The following PAK1 variants were observed in gnomAD, a reference collection of about 807,000 sequenced individuals.
The protein encoded by PAK1 is serine/threonine-protein kinase PAK 1.
A neutral mutation model predicts 67.4 loss-of-function variants in PAK1; 29 were observed. The ratio of observed to expected loss-of-function variants is 0.43; its 90% CI spans 0.32 to 0.59. The LOEUF is 0.59. Ranked by LOEUF, PAK1 falls within the 20% of genes least tolerant of loss-of-function variation. PAK1 has a pLI of 0.07. For missense variants in PAK1, 337 were observed against 670.7 expected (o/e 0.50, Z 5.50); for synonymous variants, 223 against 237.4 (o/e 0.94, Z 0.56).
At chr11:77,383,450 C>T (rs907579036) in intron 2 of PAK1, among the ~76,000 whole-genome samples, 9 of 151,794 alleles carry the variant, frequency 5.9e-5, no homozygotes, top group South Asian at 2.1e-4. Context: ...CTCAGCCTCC[C>T]AAGTAGCTGA....
chr11:77,502,315 C>T, the PAK1 span, among the ~76,000 whole-genome samples: 1 of 152,166 alleles, frequency 6.6e-6, no homozygotes, highest in African/African-American at 2.4e-5. Context: ...TTTCCCATGT[C>T]ATTAAAGACT....
the PAK1 span, among the ~76,000 whole-genome samples, chr11:77,526,086 C>G: frequency 6.6e-6 from 1 of 152,198 alleles, no homozygotes. Flanking sequence ...ATCCAATCCA[C>G]CACTACATCC....
the PAK1 span, among the ~76,000 whole-genome samples, chr11:77,490,870 A>G: frequency 1.3e-5 from 2 of 152,206 alleles, no homozygotes; most frequent in Non-Finnish European, 2.9e-5. Context: ...GTGTCCACTC[A>G]GGGTTAAATG....
upstream of PAK1, chr11:77,474,198 C>T (rs961732614): frequency 2.2e-5 from 3 of 134,140 alleles, no homozygotes; most frequent in African/African-American, 7.7e-5. Context: ...TCCCCCTCCC[C>T]CACTCCCCCT....
chr11:77,454,047 G>A (rs1281537298), intron 1 of PAK1, among the ~76,000 whole-genome samples: 3 of 152,198 alleles, frequency 2.0e-5, no homozygotes, highest in Non-Finnish European at 4.4e-5. Flanking sequence ...CTAGGTGACA[G>A]AGCGAGACCT....
intron 1 of PAK1, among the ~76,000 whole-genome samples, chr11:77,431,578 C>T (rs1184005825): frequency 1.3e-5 from 2 of 152,162 alleles, no homozygotes; most frequent in Non-Finnish European, 2.9e-5. Flanking sequence ...GGAAGGCAAT[C>T]ATCTCTCTGA....
In PAK1 at chr11:77,328,378, G is replaced by C. The variant is rs1305501317; in HGVS notation, c.1551+4352C>G. ...CACCTACTCCAAAATTGACCACATA[G>C]TTGGAAGTAAAGCACTCCTCAGCAA... On this transcript the variant is annotated intron_variant, in intron 14 of 14. Coordinates refer to ENST00000356341, the MANE Select transcript of PAK1 (RefSeq NM_002576.5). Among the ~76,000 whole-genome samples, 4 of 152,070 alleles carry C rather than the reference G, an allele frequency of 2.6e-5. No homozygotes were observed. The East Asian group carries it at 7.7e-4, about 29-fold the overall frequency.
chr11:77,341,149 A>G (rs1943536715), intron 10 of PAK1, among the ~76,000 whole-genome samples: 1 of 152,156 alleles, frequency 6.6e-6, no homozygotes, highest in African/African-American at 2.4e-5. Context: ...TTTAGAGTCC[A>G]TGTTACCCAA....
At chr11:77,501,459 T>A in the PAK1 span, among the ~76,000 whole-genome samples, 3 of 152,278 alleles carry the variant, frequency 2.0e-5, no homozygotes, top group East Asian at 5.8e-4. Flanking sequence ...ATTCGACCCC[T>A]CTTCTCGGGT....
At chr11:77,411,726 C>T (rs767950984) in intron 1 of PAK1, 1 of 152,334 alleles carries the variant, frequency 6.6e-6, no homozygotes, top group African/African-American at 2.4e-5. Context: ...GCGGAGATCC[C>T]CCAGAACCCG....
chr11:77,459,918 G>A (rs1378023169), intron 1 of PAK1, among the ~76,000 whole-genome samples: 1 of 151,578 alleles, frequency 6.6e-6, no homozygotes, highest in Non-Finnish European at 1.5e-5. Context: ...GGATGGTCTC[G>A]ATCTCCTGAC....
chr11:77,441,073 C>CT (rs1335281678), intron 1 of PAK1, among the ~76,000 whole-genome samples: 2 of 152,182 alleles, frequency 1.3e-5, no homozygotes, highest in Admixed American at 1.3e-4. Flanking sequence ...AGGCCTGTAC[C>CT]ATACTCTGCC....
chr11:77,481,826 A>G, the PAK1 span, among the ~76,000 whole-genome samples: 3 of 152,142 alleles, frequency 2.0e-5, no homozygotes, highest in Non-Finnish European at 4.4e-5. Context: ...TCTCCAGGAA[A>G]ATGTAAGCTT....
intron 4 of PAK1, among the ~76,000 whole-genome samples, chr11:77,374,819 G>GT (rs1948890000): frequency 6.6e-6 from 1 of 152,108 alleles, no homozygotes; most frequent in Non-Finnish European, 1.5e-5. Context: ...TAACACAACG[G>GT]TAAGTATTTG....
At chr11:77,385,612 T>C (rs1259177382) in intron 2 of PAK1, among the ~76,000 whole-genome samples, 1 of 152,208 alleles carries the variant, frequency 6.6e-6, no homozygotes, top group Admixed American at 6.5e-5. Context: ...TCCCAGCACT[T>C]TGGGCAGCCG....
intron 7 of PAK1, among the ~76,000 whole-genome samples, 174 bp downstream of exon 7, chr11:77,355,494 C>T (rs149489003): frequency 0.013 from 1,981 of 152,210 alleles, 16 homozygotes; most frequent in Non-Finnish European, 0.018. Context: ...TAGTATCCAA[C>T]CAGGGCTGTG....
chr11:77,453,908 C>T (rs1033498374), intron 1 of PAK1, among the ~76,000 whole-genome samples: 8 of 151,970 alleles, frequency 5.3e-5, no homozygotes, highest in East Asian at 1.9e-4. Context: ...GGCGAAACCC[C>T]ATCTCTACAA....
intron 2 of PAK1, among the ~76,000 whole-genome samples, chr11:77,381,369 T>A (rs138166762): frequency 3.7e-3 from 567 of 152,320 alleles, no homozygotes; most frequent in Non-Finnish European, 5.9e-3. Flanking sequence ...TTTAAATAGG[T>A]ATTTCATACA....
chr11:77,388,940 C>G (rs1210274000), intron 2 of PAK1, among the ~76,000 whole-genome samples: 1 of 152,122 alleles, frequency 6.6e-6, no homozygotes, highest in Non-Finnish European at 1.5e-5. Context: ...AATTCACTTA[C>G]CAAACAATTC....
Sources: gnomAD v4.1 joint callset for allele counts (sites outside exome capture counted in the v4.1 genomes callset) on GRCh38, gnomAD v4.1.1 for gene constraint, MANE v1.5 for transcripts, NCBI Gene and HGNC (gene_info 2026-07-23, HGNC 2026-07-21) for gene names.